Variants in CENPP observed in about 807,000 individuals in gnomAD.
CENPP encodes centromere protein P.
CENPP carries 24 observed loss-of-function variants against 35.6 expected under a neutral mutation model. The observed-to-expected ratio is 0.67, with a 90% confidence interval of 0.49 to 0.95. The LOEUF is 0.95. CENPP is among the 40% of genes least tolerant of loss of function. The probability of loss-of-function intolerance (pLI) is 0.00; values close to 1 mark genes in which losing one functional copy is unlikely to be tolerated. For missense variants in CENPP, 332 were observed against 345.3 expected (o/e 0.96, Z 0.31); for synonymous variants, 120 against 125.5 (o/e 0.96, Z 0.29).
At chr9:92,500,073 A>G (rs992236726) in intron 5 of CENPP, among the ~76,000 whole-genome samples, 1 of 152,232 alleles carries the variant, frequency 6.6e-6, no homozygotes, top group Admixed American at 6.5e-5. Flanking sequence ...TTTATGCTTT[A>G]TAGATTAGTT....
intron 4 of CENPP, 48 bp downstream of exon 4, chr9:92,345,835 A>G: frequency 8.9e-7 from 1 of 1,129,414 alleles, no homozygotes; most frequent in East Asian, 2.4e-5. Context: ...AAGTAAATTT[A>G]CACTTTACAG....
chr9:92,474,773 TC>T (rs2131084857), intron 5 of CENPP: 1 of 1,612,888 alleles, frequency 6.2e-7, no homozygotes, highest in Admixed American at 1.7e-5. Context: ...ATCATCATCA[TC>T]ATCATCATCA....
chr9:92,432,727 G>A (rs1394313621), intron 5 of CENPP, among the ~76,000 whole-genome samples: 1 of 152,136 alleles, frequency 6.6e-6, no homozygotes, highest in African/African-American at 2.4e-5. Context: ...TTAATTCAAA[G>A]TTTCTTCTAC....
intron 5 of CENPP, chr9:92,600,448 G>C (rs1277276986): frequency 1.9e-6 from 3 of 1,612,874 alleles, no homozygotes; most frequent in South Asian, 2.2e-5. Flanking sequence ...AACAAGAAAA[G>C]TTGGGTCAAG....
rs779041245 is a variant in CENPP, at chr9:92,385,595, C to A, written c.564+5736C>A. 24 of 1,602,080 alleles carry A rather than the reference C, an allele frequency of 1.5e-5. No individual in the cohort carries two copies. The East Asian group carries it at 4.7e-4, about 31-fold the overall frequency. On this transcript the variant is annotated intron_variant, in intron 5 of 7. Coordinates refer to ENST00000375587, the MANE Select transcript of CENPP (RefSeq NM_001012267.3). The stretch of plus-strand genomic sequence containing the variant: ...CAGACTATTAGTGTAGGTGTACTTT[C>A]ATTTATATGTTGTACCAATAGAGGT...
rs527903302 is a variant in CENPP, at chr9:92,346,621, T to C, written c.467+834T>C. Among the ~76,000 whole-genome samples, 3 of 152,302 alleles carry C rather than the reference T, an allele frequency of 2.0e-5. No homozygotes were observed. In the East Asian group the frequency reaches 5.8e-4, roughly 29 times the overall value. ...GCAGGGCCTGAGGAAAGCAAAAGTG[T>C]GGCATCCTAGAAAGAATTATTCTGG... On this transcript the variant is annotated intron_variant, in intron 4 of 7. Transcript: ENST00000375587.
rs998161174 is a variant in CENPP, at chr9:92,614,703, C to G, written c.*1554C>G. On this transcript the variant is annotated 3_prime_UTR_variant, in exon 8 of 8. Coordinates refer to ENST00000375587, the MANE Select transcript of CENPP (RefSeq NM_001012267.3). ...TAATATTATATGTTACAATAAGCCT[C>G]CATTAGTCCCTCAAAACGATGATAT... 1.3e-5 allele frequency: 2 copies of G among 152,624 alleles called. No individual in the cohort carries two copies. The highest frequency in any genetic ancestry group is 4.8e-5 in the African/African-American group (2 of 41,436). 9.5% of individuals were successfully genotyped at this position (152,624 alleles called of 1,614,324 possible).
At chr9:92,347,774 T>C (rs1356433517) in intron 4 of CENPP, among the ~76,000 whole-genome samples, 1 of 152,232 alleles carries the variant, frequency 6.6e-6, no homozygotes, top group Non-Finnish European at 1.5e-5. Context: ...CAGTATACTT[T>C]CCATTTATTT....
At chr9:92,496,684 C>T (rs1846363144) in intron 5 of CENPP, among the ~76,000 whole-genome samples, 2 of 152,192 alleles carry the variant, frequency 1.3e-5, no homozygotes, top group African/African-American at 4.8e-5. Flanking sequence ...TGGTCACACC[C>T]TCTGACTCGG....
chr9:92,599,115 CA>C (rs376669785), intron 5 of CENPP, among the ~76,000 whole-genome samples: 116 of 137,272 alleles, frequency 8.5e-4, no homozygotes, highest in Admixed American at 6.5e-4. Flanking sequence ...GACTCTGTGT[CA>C]AAAAAAAAAA....
intron 4 of CENPP, among the ~76,000 whole-genome samples, chr9:92,375,951 TATG>T (rs1398562046): frequency 6.6e-6 from 1 of 152,094 alleles, no homozygotes; most frequent in Non-Finnish European, 1.5e-5. Flanking sequence ...TTTTGAATAT[TATG>T]ATGGGCAAAA....
chr9:92,564,856 A>G (rs976909137), intron 5 of CENPP, among the ~76,000 whole-genome samples: 4 of 152,096 alleles, frequency 2.6e-5, no homozygotes, highest in Non-Finnish European at 5.9e-5. Context: ...GAATTGATAG[A>G]CTCTTTATGT....
chr9:92,462,831 T>C (rs1845167342), intron 5 of CENPP, among the ~76,000 whole-genome samples: 1 of 152,204 alleles, frequency 6.6e-6, no homozygotes, highest in South Asian at 2.1e-4. Context: ...AAGACATTAT[T>C]TGCTAATTTA....
Position 92,510,016 on chromosome 9 carries a change from G to T in CENPP, c.565-101298G>T, listed in dbSNP as rs755690008. ...AAATTATTTCCATCCATATTCAAAC[G>T]CATTAACTTCTTCAGAAGCTTAAAA... On this transcript the variant is annotated intron_variant, in intron 5 of 7. Coordinates refer to ENST00000375587, the MANE Select transcript of CENPP (RefSeq NM_001012267.3). 11 of 1,599,644 alleles carry T rather than the reference G, an allele frequency of 6.9e-6. No individual in the cohort carries two copies. The highest frequency in any genetic ancestry group is 6.7e-5 in the East Asian group (3 of 44,640).
intron 5 of CENPP, chr9:92,417,652 A>G (rs541272345): frequency 6.4e-6 from 5 of 786,386 alleles, no homozygotes; most frequent in Non-Finnish European, 9.9e-6. Flanking sequence ...TCTCAGTTAT[A>G]TGAAATGTAT....
At chr9:92,529,482 A>G (rs776168277) in intron 5 of CENPP, among the ~76,000 whole-genome samples, 10 of 152,218 alleles carry the variant, frequency 6.6e-5, no homozygotes, top group African/African-American at 1.9e-4. Context: ...ATGAAAATCT[A>G]TGTCCACACA....
At chr9:92,539,079 G>A (rs1419509198) in intron 5 of CENPP, 1 of 152,196 alleles carries the variant, frequency 6.6e-6, no homozygotes, top group African/African-American at 2.4e-5. Context: ...CGAATAAGGA[G>A]GCTTAAAGCT....
At position 92,352,510 on chromosome 9, in the gene CENPP, CATATATATATATAT is replaced by C. The variant is rs67070835; in HGVS notation, c.467+6739_467+6752del. Among the ~76,000 whole-genome samples, 6 of 50,430 alleles carry C rather than the reference CATATATATATATAT, an allele frequency of 1.2e-4. No individual in the cohort carries two copies. In the South Asian group the frequency reaches 1.8e-3, roughly 16 times the overall value. The allele number at this position is 50,430 out of a possible 152,430, so 33.1% of individuals were successfully genotyped here. On this transcript the variant is annotated intron_variant, in intron 4 of 7. Coordinates refer to ENST00000375587, the MANE Select transcript of CENPP (RefSeq NM_001012267.3). ...GTGTGTGTGTGTGTGTGTGTGTATA[CATATATATATATAT>C]ATATATATATATATAATATAACGGG...
At chr9:92,423,286 T>A (rs1472451067) in intron 5 of CENPP, among the ~76,000 whole-genome samples, 1 of 152,112 alleles carries the variant, frequency 6.6e-6, no homozygotes, top group Admixed American at 6.5e-5. Flanking sequence ...CAGTTTTCAA[T>A]GTGAATTTTT....
Sources: gnomAD v4.1 joint callset for allele counts (sites outside exome capture counted in the v4.1 genomes callset) on GRCh38, gnomAD v4.1.1 for gene constraint, MANE v1.5 for transcripts, NCBI Gene and HGNC (gene_info 2026-07-23, HGNC 2026-07-21) for gene names.